VPS54: variants seen among roughly 807,000 people sequenced by gnomAD.
VPS54 encodes the protein VPS54 subunit of GARP complex, also known as vacuolar protein sorting-associated protein 54.
A neutral mutation model predicts 121.5 loss-of-function variants in VPS54; 45 were observed. That is an observed-to-expected ratio of 0.37 (90% CI 0.29 to 0.47). VPS54 has a LOEUF of 0.47. Ranked by LOEUF, VPS54 falls within the 20% of genes least tolerant of loss-of-function variation. VPS54 has a pLI of 0.99. For synonymous variants in VPS54, 371 were observed against 385.8 expected (o/e 0.96, Z 0.45); for missense variants, 1,090 against 1,131.4 (o/e 0.96, Z 0.52).
chr2:63,913,096 G>C (rs1181377480), intron 18 of VPS54, 127 bp downstream of exon 18: 1 of 708,164 alleles, frequency 1.4e-6, no homozygotes, highest in Non-Finnish European at 2.2e-6. Flanking sequence ...AGAGTAAGTA[G>C]CATTTATTTT....
intron 1 of VPS54, among the ~76,000 whole-genome samples, chr2:64,007,895 T>C (rs1678241038): frequency 6.6e-6 from 1 of 152,012 alleles, no homozygotes; most frequent in Non-Finnish European, 1.5e-5. Flanking sequence ...TTAGAAAGGA[T>C]ACTGGATTAA....
intron 1 of VPS54, among the ~76,000 whole-genome samples, chr2:64,012,211 T>C (rs1678461149): frequency 6.6e-6 from 1 of 152,074 alleles, no homozygotes; most frequent in African/African-American, 2.4e-5. Flanking sequence ...CCACCTTCAA[T>C]ACAGTGTGTC....
rs1211172938 is a variant in VPS54, at chr2:63,947,642, A to T, written c.1138-152T>A. 6.1e-6 allele frequency: 4 copies of T among 652,076 alleles called. No homozygotes were observed. In the East Asian group the frequency reaches 1.6e-4, roughly 26 times the overall value. The allele number at this position is 652,076 out of a possible 1,614,324, so 40.4% of individuals were successfully genotyped here. ...GCAGCCTGAAAACCCCTCCCACAGC[A>T]ATCTTATCATGAGATTTTTGGAGTC... is the stretch of plus-strand genomic sequence containing the variant. On this transcript the variant is annotated intron_variant, in intron 8 of 22. Transcript: ENST00000272322.
At position 63,897,590 on chromosome 2, in the gene VPS54, T is replaced by C. The variant is rs1431206662; in HGVS notation, c.2734A>G (p.Met912Val). The change falls in exon 22 of 23, where the codon ATG (methionine) becomes GTG (valine). Residue 912 changes from methionine (M) to valine (V), a missense_variant and splice_region_variant. Coordinates refer to ENST00000272322, the MANE Select transcript of VPS54 (RefSeq NM_016516.3). ...FDLLPEEQTQMLFLRINASYK... is the reference protein window; with the variant it reads ...FDLLPEEQTQVLFLRINASYK... The stretch of plus-strand genomic sequence containing the variant: ...CTTGCATTAATTCTTAAAAATAACA[T>C]CTGAAAAAGAAATAAAACTAAGTTT... 1 of 1,494,352 alleles carries C rather than the reference T, an allele frequency of 6.7e-7. No individual in the cohort carries two copies. The highest frequency in any genetic ancestry group is 1.4e-5 in the African/African-American group (1 of 71,708). 92.6% of individuals were successfully genotyped at this position (1,494,352 alleles called of 1,614,324 possible).
At chr2:63,977,552 G>A (rs1010211028) in intron 3 of VPS54, among the ~76,000 whole-genome samples, 21 of 152,140 alleles carry the variant, frequency 1.4e-4, no homozygotes, top group African/African-American at 4.6e-4. Flanking sequence ...TTGATTTGTA[G>A]CATTTCCTTT....
chr2:63,992,252 T>A (rs914119556), intron 1 of VPS54, among the ~76,000 whole-genome samples: 1 of 152,224 alleles, frequency 6.6e-6, no homozygotes, highest in Non-Finnish European at 1.5e-5. Context: ...ATTGGATTAA[T>A]GTAATTTCTG....
intron 11 of VPS54, among the ~76,000 whole-genome samples, chr2:63,940,590 T>A (rs1244487560): frequency 6.6e-6 from 1 of 152,008 alleles, no homozygotes; most frequent in Non-Finnish European, 1.5e-5. Flanking sequence ...ACTGTTTCCT[T>A]CAGTGTTATT....
rs140350492 is a variant in VPS54, at chr2:64,002,042, C to T, written c.-21+16896G>A. 5.9e-3 allele frequency among the ~76,000 whole-genome samples: 897 copies of T among 152,304 alleles called. 9 individuals carry two copies. Among genetic ancestry groups the T allele is most frequent in the Admixed American group, 0.02 (304 of 15,294 alleles). ...TTCCAACCACTGTGATGGGTAATTCCCCTCTGGCTAGGGCTGGTCTGAATG... is the reference window on the plus strand; with the variant it reads ...TTCCAACCACTGTGATGGGTAATTCTCCTCTGGCTAGGGCTGGTCTGAATG... On this transcript the variant is annotated intron_variant, in intron 1 of 22. Transcript: ENST00000272322.
intron 3 of VPS54, among the ~76,000 whole-genome samples, chr2:63,976,010 G>A (rs527723502): frequency 2.8e-4 from 43 of 152,268 alleles, no homozygotes; most frequent in African/African-American, 8.7e-4. Flanking sequence ...GATTACAGGC[G>A]TGAGCCGACA....
intron 20 of VPS54, 68 bp from the exon 21 acceptor site, chr2:63,899,649 T>C: frequency 7.8e-7 from 1 of 1,285,332 alleles, no homozygotes; most frequent in Non-Finnish European, 1.1e-6. Flanking sequence ...CACCATTCCC[T>C]GAGACATATA....
chr2:64,017,081 C>A (rs1450407673), intron 1 of VPS54, among the ~76,000 whole-genome samples: 1 of 146,858 alleles, frequency 6.8e-6, no homozygotes, highest in African/African-American at 2.6e-5. Context: ...GTGGCTCACA[C>A]CTCTAATCCC....
At chr2:63,984,806 A>C (rs1390690888) in intron 1 of VPS54, among the ~76,000 whole-genome samples, 3 of 152,254 alleles carry the variant, frequency 2.0e-5, no homozygotes, top group African/African-American at 7.2e-5. Context: ...CTACAGGGTC[A>C]GGTAAGACTT....
chr2:63,902,696 C>T (rs1414929286), intron 20 of VPS54, among the ~76,000 whole-genome samples: 1 of 152,172 alleles, frequency 6.6e-6, no homozygotes, highest in Non-Finnish European at 1.5e-5. Flanking sequence ...AGGCCGGGCA[C>T]AGTGGCTCAA....
intron 1 of VPS54, among the ~76,000 whole-genome samples, chr2:64,015,364 A>G (rs1004171810): frequency 2.6e-5 from 4 of 152,146 alleles, no homozygotes; most frequent in Non-Finnish European, 5.9e-5. Context: ...CTCCTCTTGC[A>G]AAGAAATAGA....
chr2:63,995,881 C>A (rs901974132), intron 1 of VPS54, among the ~76,000 whole-genome samples: 1 of 152,200 alleles, frequency 6.6e-6, no homozygotes, highest in African/African-American at 2.4e-5. Flanking sequence ...TTTTTGAAGT[C>A]TCTCAAGCTC....
intron 1 of VPS54, among the ~76,000 whole-genome samples, chr2:64,010,199 A>T (rs1678365643): frequency 6.6e-6 from 1 of 152,216 alleles, no homozygotes; most frequent in Non-Finnish European, 1.5e-5. Context: ...TAATTTGAGA[A>T]AACATGGATA....
chr2:63,928,628 C>T (rs895103408), intron 12 of VPS54, among the ~76,000 whole-genome samples: 1 of 152,154 alleles, frequency 6.6e-6, no homozygotes, highest in African/African-American at 2.4e-5. Flanking sequence ...CAGCTAGCAT[C>T]ATAATGACAG....
At chr2:63,956,169 G>A (rs1395961669) in intron 7 of VPS54, among the ~76,000 whole-genome samples, 1 of 152,018 alleles carries the variant, frequency 6.6e-6, no homozygotes, top group African/African-American at 2.4e-5. Context: ...TAAGAAGTCT[G>A]ATTTCTTCAT....
At chr2:63,894,125 C>T (rs1201672298) in intron 22 of VPS54, among the ~76,000 whole-genome samples, 2 of 152,150 alleles carry the variant, frequency 1.3e-5, no homozygotes, top group East Asian at 3.9e-4. Flanking sequence ...GTACTACTAT[C>T]CCCCATCAGA....
Sources: allele counts gnomAD v4.1 joint callset (sites outside exome capture counted in the v4.1 genomes callset), GRCh38; gene constraint gnomAD v4.1.1; transcripts MANE v1.5; gene names NCBI Gene and HGNC (gene_info 2026-07-23, HGNC 2026-07-21).